The following MESD variants were observed in gnomAD, a reference collection of about 807,000 sequenced individuals.
The protein encoded by MESD is mesoderm development LRP chaperone.
In MESD, 7 loss-of-function variants were observed where a neutral mutation model predicts 12.9. That is an observed-to-expected ratio of 0.54 (90% CI 0.31 to 1.02). The LOEUF (loss-of-function observed/expected upper bound fraction) is 1.02. Among genes scored for constraint, MESD ranks in the 50% least tolerant of loss-of-function variants. The pLI is 0.05. For missense variants in MESD, 342 were observed against 296.7 expected (o/e 1.15, Z -1.12); for synonymous variants, 126 against 115.6 (o/e 1.09, Z -0.58).
intron 1 of MESD, among the ~76,000 whole-genome samples, chr15:80,985,041 G>T (rs1011674262): frequency 6.6e-6 from 1 of 152,140 alleles, no homozygotes; most frequent in African/African-American, 2.4e-5. Flanking sequence ...ATGAAAAGCA[G>T]AACGAAGTGA....
intron 3 of MESD, among the ~76,000 whole-genome samples, chr15:80,962,299 A>C (rs1286129036): frequency 2.0e-5 from 3 of 152,198 alleles, no homozygotes; most frequent in African/African-American, 4.8e-5. Context: ...AACTATCCTA[A>C]ATATATATGC....
intron 3 of MESD, among the ~76,000 whole-genome samples, chr15:80,970,125 T>C (rs1006838292): frequency 2.0e-5 from 3 of 152,126 alleles, no homozygotes; most frequent in Admixed American, 2.0e-4. Context: ...GACTGAGCAG[T>C]CTGTTAATTA....
At position 80,975,885 on chromosome 15, in the gene MESD, A is replaced by T. The variant is rs1024687953; in HGVS notation, c.*3334T>A. On this transcript the variant is annotated 3_prime_UTR_variant, in exon 3 of 3. Transcript: ENST00000261758. ...TTGGGAGGCTGTGGTGGGAAGATCA[A>T]TTGAGCCGGTAGGTAGAGACTTCAG... 2.0e-5 allele frequency: 3 copies of T among 152,212 alleles called. No individual in the cohort carries two copies. The highest frequency in any genetic ancestry group is 6.5e-5 in the Admixed American group (1 of 15,278). 9.4% of individuals were successfully genotyped at this position (152,212 alleles called of 1,614,324 possible).
downstream of MESD, among the ~76,000 whole-genome samples, chr15:80,972,719 G>A (rs1248898749): frequency 6.6e-6 from 1 of 152,218 alleles, no homozygotes; most frequent in Non-Finnish European, 1.5e-5. Flanking sequence ...AGACCAGGCA[G>A]CAATATAAAA....
chr15:80,981,297 C>T (rs1323486206), intron 2 of MESD, among the ~76,000 whole-genome samples: 4 of 151,312 alleles, frequency 2.6e-5, no homozygotes, highest in South Asian at 2.1e-4. Flanking sequence ...ATTAGCTGGG[C>T]GTGGTGGCAG....
At chr15:80,948,927 A>C (rs1321399423) in intron 4 of MESD, 1 of 1,614,242 alleles carries the variant, frequency 6.2e-7, no homozygotes, top group Admixed American at 1.7e-5. Context: ...AGTTGTGAGG[A>C]CAGCTGCCGC....
exon 5 of MESD, chr15:80,948,500 T>C: frequency 2.3e-6 from 1 of 442,972 alleles, no homozygotes; most frequent in Non-Finnish European, 4.2e-6. Context: ...TCCTAGGAGG[T>C]CTCCTCCCTT....
At position 80,952,887 on chromosome 15, in the gene MESD, C is replaced by T. The variant is rs564974357; in HGVS notation, c.*289-591G>A. 69 of 446,742 alleles carry T rather than the reference C, an allele frequency of 1.5e-4. No homozygotes were observed. The Middle Eastern group carries it at 4.8e-3, about 31-fold the overall frequency. 27.7% of individuals were successfully genotyped at this position (446,742 alleles called of 1,614,324 possible). A position where few individuals can be genotyped will look rare whatever the true frequency, so the allele number is the denominator to read the frequency against. On this transcript the variant is annotated intron_variant, in intron 3 of 4. Coordinates refer to the MESD transcript ENST00000561312. ...TTGCACCCCTGCTCTGTGCCAGGCA[C>T]GGTGCACACAGAGGAACACAGAATG...
intron 1 of MESD, among the ~76,000 whole-genome samples, chr15:80,982,879 G>A (rs982705354): frequency 1.3e-5 from 2 of 152,046 alleles, no homozygotes; most frequent in South Asian, 2.1e-4. Flanking sequence ...CCAGGAGTTC[G>A]ACATCAGCCT....
At chr15:80,955,675 A>C (rs1191540867) in intron 3 of MESD, among the ~76,000 whole-genome samples, 1 of 149,864 alleles carries the variant, frequency 6.7e-6, no homozygotes, top group East Asian at 2.1e-4. Context: ...GGCTGGAGTG[A>C]AGTGATGCAA....
intron 3 of MESD, among the ~76,000 whole-genome samples, chr15:80,954,112 C>T (rs571949050): frequency 1.3e-5 from 2 of 152,292 alleles, no homozygotes; most frequent in African/African-American, 2.4e-5. Flanking sequence ...GCTTGGCCCA[C>T]GCCTACTCAT....
downstream of MESD, among the ~76,000 whole-genome samples, chr15:80,973,036 C>A (rs143157161): frequency 0.036 from 5,475 of 151,048 alleles, 124 homozygotes; most frequent in Middle Eastern, 0.066. Context: ...AACAAACAAA[C>A]AAAAAAAACA....
At chr15:80,952,957 C>G (rs1901877970) in intron 3 of MESD, 1 of 455,796 alleles carries the variant, frequency 2.2e-6, no homozygotes, top group Non-Finnish European at 4.4e-6. Context: ...AGTGGTGTGG[C>G]AGGCTTCTGA....
intron 3 of MESD, among the ~76,000 whole-genome samples, chr15:80,962,684 A>C (rs1288375268): frequency 7.2e-5 from 11 of 152,206 alleles, no homozygotes; most frequent in Admixed American, 7.2e-4. Context: ...TAAGAAACTC[A>C]CTCAAAACCG....
chr15:80,978,912 A>T lies in MESD; in HGVS notation c.*307T>A. On this transcript the variant is annotated 3_prime_UTR_variant, in exon 3 of 3. Transcript: ENST00000261758. ...GGTGCTTGGAGGGGAGTGGAATCTCAGTAGAGTTGATGACTCACCAAGTGT... is the reference window on the plus strand; with the variant it reads ...GGTGCTTGGAGGGGAGTGGAATCTCTGTAGAGTTGATGACTCACCAAGTGT... 1 of 400,404 alleles carries T rather than the reference A, an allele frequency of 2.5e-6. No individual in the cohort carries two copies. Among genetic ancestry groups the T allele is most frequent in the Non-Finnish European group, 4.5e-6 (1 of 221,588 alleles). 24.8% of individuals were successfully genotyped at this position (400,404 alleles called of 1,614,324 possible).
In MESD at chr15:80,978,511, T is replaced by C. The variant is rs944630888; in HGVS notation, c.*708A>G. The C allele has an allele frequency of 6.6e-6, 1 of 152,214 alleles. No homozygotes were observed. The highest frequency in any genetic ancestry group is 6.5e-5 in the Admixed American group (1 of 15,282). 9.4% of individuals were successfully genotyped at this position (152,214 alleles called of 1,614,324 possible). On this transcript the variant is annotated 3_prime_UTR_variant, in exon 3 of 3. Transcript: ENST00000261758. ...AAACTGTCACATTAAATGGAACATA[T>C]AACCCCTCGACACCAGCAGTACTCT...
chr15:80,989,803 C>A lies in MESD; in HGVS notation c.-12G>T, dbSNP rs11855057. 1.9e-6 allele frequency: 3 copies of A among 1,557,690 alleles called. No individual in the cohort carries two copies. The highest frequency in any genetic ancestry group is 1.7e-6 in the Non-Finnish European group (2 of 1,158,602). On this transcript the variant is annotated 5_prime_UTR_variant, in exon 1 of 3. Transcript: ENST00000261758. ...CTGGAAGCCGCCATTTTCGCTGCGC[C>A]GCGCAGCGCCCTAGACGCGCTTACC...
At chr15:80,955,501 A>AAAAAAAC (rs1184316440) in intron 3 of MESD, among the ~76,000 whole-genome samples, 2,523 of 148,780 alleles carry the variant, frequency 0.017, 121 homozygotes, top group African/African-American at 0.061. Context: ...AAAAAAAAAA[A>AAAAAAAC]AAAAGAAATG....
chr15:80,971,029 G>A (rs964239158), downstream of MESD, among the ~76,000 whole-genome samples: 1 of 152,144 alleles, frequency 6.6e-6, no homozygotes, highest in African/African-American at 2.4e-5. Context: ...CAGGATTCTT[G>A]CTAAAATGGG....
Sources: allele counts gnomAD v4.1 joint callset (sites outside exome capture counted in the v4.1 genomes callset), GRCh38; gene constraint gnomAD v4.1.1; transcripts MANE v1.5; gene names NCBI Gene and HGNC (gene_info 2026-07-23, HGNC 2026-07-21).